The following CARMIL1 variants were observed in gnomAD, a reference collection of about 807,000 sequenced individuals.
CARMIL1 encodes the protein capping protein regulator and myosin 1 linker 1.
Under a neutral mutation model 177.1 loss-of-function variants are expected in CARMIL1, and 90 were observed. The ratio of observed to expected loss-of-function variants is 0.51; its 90% CI spans 0.43 to 0.61. The LOEUF (loss-of-function observed/expected upper bound fraction) is 0.61. Among genes scored for constraint, CARMIL1 ranks in the 20% least tolerant of loss-of-function variants. CARMIL1 has a pLI of 0.00. For missense variants in CARMIL1, 1,380 were observed against 1,667.0 expected (o/e 0.83, Z 3.00); for synonymous variants, 577 against 606.2 (o/e 0.95, Z 0.71).
Position 25,577,184 on chromosome 6 carries a change from CA to C in CARMIL1, c.2743-3739del, listed in dbSNP as rs1441719802. 2 of 917,576 alleles carry C rather than the reference CA, an allele frequency of 2.2e-6. No individual in the cohort carries two copies. The highest frequency in any genetic ancestry group is 6.2e-5 in the Admixed American group (1 of 16,156). The allele number at this position is 917,576 out of a possible 1,614,324, so 56.8% of individuals were successfully genotyped here. A position where few individuals can be genotyped will look rare whatever the true frequency, so the allele number is the denominator to read the frequency against. The stretch of plus-strand genomic sequence containing the variant: ...TTGCAAGATGGTTCAGCTAGCAAAA[CA>C]GGCGATGAATTTAAAATATCTCCAG... On this transcript the variant is annotated intron_variant, in intron 29 of 36. Transcript: ENST00000329474. The surrounding 1 kb of genome is among the most constrained non-coding windows in gnomAD (Gnocchi z 4.5).
chr6:25,603,405 C>A (rs1245424095), intron 33 of CARMIL1, among the ~76,000 whole-genome samples: 1 of 152,234 alleles, frequency 6.6e-6, no homozygotes, highest in African/African-American at 2.4e-5. Context: ...CTTTTGTCAT[C>A]TTCCTGAGAA....
At chr6:25,386,965 C>T (rs1792224222) in intron 2 of CARMIL1, among the ~76,000 whole-genome samples, 2 of 151,574 alleles carry the variant, frequency 1.3e-5, no homozygotes, top group African/African-American at 4.9e-5. Context: ...ACCCCATCTC[C>T]ACAAAAATAC....
In CARMIL1 at chr6:25,455,220, A is replaced by G. The variant is rs1050251333; in HGVS notation, c.614+4509A>G. Among the ~76,000 whole-genome samples the G allele has an allele frequency of 2.6e-5, 4 of 152,354 alleles. No homozygotes were observed. The East Asian group carries it at 7.7e-4, about 29-fold the overall frequency. ...TTGTATGTCGAGATCTGTGAACTTC[A>G]TATTACAGCTAGAGAAAGCTGTACT... On this transcript the variant is annotated intron_variant, in intron 8 of 36. Coordinates refer to ENST00000329474, the MANE Select transcript of CARMIL1 (RefSeq NM_017640.6).
At chr6:25,502,308 C>G (rs1421629312) in intron 17 of CARMIL1, among the ~76,000 whole-genome samples, 1 of 150,770 alleles carries the variant, frequency 6.6e-6, no homozygotes, top group Non-Finnish European at 1.5e-5. Flanking sequence ...CCTGTAATCC[C>G]AGCACTTTGG....
At chr6:25,333,949 C>A (rs1318757052) in intron 2 of CARMIL1, among the ~76,000 whole-genome samples, 1 of 152,184 alleles carries the variant, frequency 6.6e-6, no homozygotes, top group East Asian at 1.9e-4. Flanking sequence ...CAGCATCACA[C>A]CAATGATAAG....
intron 24 of CARMIL1, among the ~76,000 whole-genome samples, chr6:25,530,443 A>G (rs1050362124): frequency 6.6e-6 from 1 of 152,136 alleles, no homozygotes; most frequent in African/African-American, 2.4e-5. Context: ...TGAACCTGGA[A>G]GGTAGAGGTT....
rs1582192669 is a variant in CARMIL1 at position 25,509,805 on chromosome 6, A to G, written c.1477+68A>G. The G allele has an allele frequency of 1.8e-6, 2 of 1,103,738 alleles. No individual in the cohort carries two copies. Among genetic ancestry groups the G allele is most frequent in the South Asian group, 2.7e-5 (2 of 72,746 alleles). 68.4% of individuals were successfully genotyped at this position (1,103,738 alleles called of 1,614,324 possible). On this transcript the variant is annotated intron_variant, in intron 18 of 36. Transcript: ENST00000329474. The surrounding 1 kb of genome is among the most constrained non-coding windows in gnomAD (Gnocchi z 4.1). The stretch of plus-strand genomic sequence containing the variant: ...GAAGCAAGTTAATAAGGGGAAAATA[A>G]TCTTCTACCCAAATCCAAACAATAG...
intron 29 of CARMIL1, among the ~76,000 whole-genome samples, chr6:25,578,214 A>G (rs745645751): frequency 1.3e-5 from 2 of 152,178 alleles, no homozygotes; most frequent in Non-Finnish European, 1.5e-5. Flanking sequence ...ATGTCAGGGA[A>G]AGGTCAATAA....
intron 8 of CARMIL1, among the ~76,000 whole-genome samples, chr6:25,462,706 T>A (rs1800227512): frequency 6.6e-6 from 1 of 152,252 alleles, no homozygotes. Context: ...CAGGCCGAAT[T>A]ACTTGCTGTC....
At chr6:25,604,361 G>A (rs965250405) in intron 33 of CARMIL1, among the ~76,000 whole-genome samples, 3 of 152,136 alleles carry the variant, frequency 2.0e-5, no homozygotes, top group Non-Finnish European at 4.4e-5. Context: ...ATAGATTACA[G>A]GCATGAGCCA....
chr6:25,585,535 A>AT (rs11452442), intron 31 of CARMIL1, among the ~76,000 whole-genome samples: 23,196 of 151,986 alleles, frequency 0.15, 1,882 homozygotes, highest in Middle Eastern at 0.21. Flanking sequence ...TAGATAACCT[A>AT]TTTTTTTATT....
chr6:25,345,638 A>G (rs1172237485), intron 2 of CARMIL1, among the ~76,000 whole-genome samples: 1 of 152,024 alleles, frequency 6.6e-6, no homozygotes, highest in Non-Finnish European at 1.5e-5. Flanking sequence ...CTTTTTTGAG[A>G]CAGAGTCTCC....
rs1344048541 is a variant in CARMIL1, at chr6:25,619,455, A to G, written c.3988A>G (p.Arg1330Gly). Residue 1330 changes from arginine to glycine, a missense_variant, in exon 37 of 37, where the codon AGA becomes GGA. Physicochemically the swap from Arg to Gly is moderately radical, Grantham distance 125 (BLOSUM62 -2). Coordinates refer to ENST00000329474, the MANE Select transcript of CARMIL1 (RefSeq NM_017640.6). ...TTCCCTTTTTATTTCAGTTTCAAGGAGAAGCTGGGGCCAGCAGGCCCAGGA... is the reference window on the plus strand; with the variant it reads ...TTCCCTTTTTATTTCAGTTTCAAGGGGAAGCTGGGGCCAGCAGGCCCAGGA... Reference protein sequence around the residue: ...PRTFSQEVSRRSWGQQAQEYQ... With the variant: ...PRTFSQEVSRGSWGQQAQEYQ... 1 of 1,611,012 alleles carries G rather than the reference A, an allele frequency of 6.2e-7. No homozygotes were observed. The highest frequency in any genetic ancestry group is 1.3e-5 in the African/African-American group (1 of 74,668).
intron 2 of CARMIL1, among the ~76,000 whole-genome samples, chr6:25,347,706 T>C (rs1420597117): frequency 6.6e-6 from 1 of 152,238 alleles, no homozygotes; most frequent in African/African-American, 2.4e-5. Context: ...GTTAACATCT[T>C]ATTTAACTGT....
chr6:25,600,617 GAAGGTGGAACGGAGTGACAGC>G lies in CARMIL1; in HGVS notation c.3427_3447del (p.Val1143_Lys1149del). Reference sequence around the variant, plus strand: ...AAGAGAGTCAAGGGGAAGAAATAGGGAAGGTGGAACGGAGTGACAGCAAGAGCAGCCCACAGGCAGGGCGGA... The same window carrying G: ...AAGAGAGTCAAGGGGAAGAAATAGGGAAGAGCAGCCCACAGGCAGGGCGGA... On this transcript the variant is annotated inframe_deletion, in exon 33 of 37. Coordinates refer to ENST00000329474, the MANE Select transcript of CARMIL1 (RefSeq NM_017640.6). 6.2e-7 allele frequency: 1 copy of G among 1,613,990 alleles called. No homozygotes were observed. Among genetic ancestry groups the G allele is most frequent in the South Asian group, 1.1e-5 (1 of 91,076 alleles).
At chr6:25,330,689 A>T (rs116037065) in intron 2 of CARMIL1, among the ~76,000 whole-genome samples, 29 of 24,308 alleles carry the variant, frequency 1.2e-3, no homozygotes, top group East Asian at 6.8e-3. Context: ...CATCTCTATT[A>T]AAAAAAAAAA....
intron 32 of CARMIL1, among the ~76,000 whole-genome samples, chr6:25,595,211 C>G (rs1277464871): frequency 6.6e-6 from 1 of 152,198 alleles, no homozygotes; most frequent in African/African-American, 2.4e-5. Flanking sequence ...TAATCCTCAA[C>G]TAAATACAAA....
At chr6:25,487,012 G>T (rs1230449876) in intron 12 of CARMIL1, among the ~76,000 whole-genome samples, 1 of 152,060 alleles carries the variant, frequency 6.6e-6, no homozygotes, top group Non-Finnish European at 1.5e-5. Flanking sequence ...AGTAAATGGT[G>T]AGTTGACAGC....
At chr6:25,347,845 T>A (rs559535592) in intron 2 of CARMIL1, among the ~76,000 whole-genome samples, 1 of 152,336 alleles carries the variant, frequency 6.6e-6, no homozygotes, top group South Asian at 2.1e-4. Flanking sequence ...ATCCAGGATA[T>A]CATGTTTTAC....
Sources: allele counts gnomAD v4.1 joint callset (sites outside exome capture counted in the v4.1 genomes callset), GRCh38; gene constraint gnomAD v4.1.1; non-coding constraint Gnocchi (gnomAD v3.1); transcripts MANE v1.5; gene names NCBI Gene and HGNC (gene_info 2026-07-23, HGNC 2026-07-21).